Variants in MTHFD1L observed in about 807,000 individuals in gnomAD.
The protein encoded by MTHFD1L is methylenetetrahydrofolate dehydrogenase (NADP+ dependent) 1 like.
Under a neutral mutation model 119.5 loss-of-function variants are expected in MTHFD1L, and 81 were observed. That is an observed-to-expected ratio of 0.68 (90% CI 0.57 to 0.82). The LOEUF is 0.82. Among genes scored for constraint, MTHFD1L ranks in the 40% least tolerant of loss-of-function variants. The probability of loss-of-function intolerance (pLI) is 0.00; values close to 1 mark genes in which losing one functional copy is unlikely to be tolerated. For missense variants in MTHFD1L, 1,125 were observed against 1,253.4 expected (o/e 0.90, Z 1.55); for synonymous variants, 430 against 475.2 (o/e 0.90, Z 1.24).
chr6:150,997,032 G>A (rs1432834355), intron 20 of MTHFD1L, among the ~76,000 whole-genome samples: 2 of 152,136 alleles, frequency 1.3e-5, no homozygotes, highest in African/African-American at 4.8e-5. Flanking sequence ...GTCCAAAGGG[G>A]CCCTTAACCT....
chr6:150,866,540 C>A, intron 1 of MTHFD1L: 1 of 1,270,796 alleles, frequency 7.9e-7, no homozygotes, highest in Non-Finnish European at 9.9e-7. Context: ...GCCGCCCGCG[C>A]GAAGCTCCCT....
intron 7 of MTHFD1L, among the ~76,000 whole-genome samples, chr6:150,893,992 C>A (rs1318589960): frequency 2.6e-5 from 4 of 152,114 alleles, no homozygotes; most frequent in African/African-American, 9.7e-5. Context: ...GCCTGTAATC[C>A]CAGCACTTTG....
intron 1 of MTHFD1L, among the ~76,000 whole-genome samples, chr6:150,874,119 A>G (rs1780002199): frequency 6.6e-6 from 1 of 152,174 alleles, no homozygotes; most frequent in African/African-American, 2.4e-5. Flanking sequence ...AGAGTGCGGT[A>G]TATGGGCCTC....
chr6:150,987,645 C>T (rs898735643), intron 20 of MTHFD1L, among the ~76,000 whole-genome samples: 2 of 152,200 alleles, frequency 1.3e-5, no homozygotes, highest in Non-Finnish European at 2.9e-5. Context: ...ACCTGAGTGT[C>T]GGCCCCACAG....
At chr6:151,069,176 G>A (rs2128615226) in intron 26 of MTHFD1L, among the ~76,000 whole-genome samples, 1 of 151,882 alleles carries the variant, frequency 6.6e-6, no homozygotes, top group East Asian at 1.9e-4. Flanking sequence ...AGCCACCTCA[G>A]CCTCATGACT....
rs1793773838 is a variant in MTHFD1L, at chr6:150,945,492, T to C, written c.1574T>C (p.Leu525Ser). 1.9e-6 allele frequency: 3 copies of C among 1,613,922 alleles called. No individual in the cohort carries two copies. The highest frequency in any genetic ancestry group is 4.5e-5 in the East Asian group (2 of 44,878). The change falls in exon 15 of 28, where the codon TTA (leucine) becomes TCA (serine). Residue 525 changes from leucine (L) to serine (S), a missense_variant. Leu to Ser is a moderately radical substitution (Grantham distance 145). Around this residue, in one of 3 missense-constraint regions of MTHFD1L, gnomAD observed 1,058 missense variants for 1,151.2 expected, o/e 0.92. Transcript: ENST00000367321. The stretch of plus-strand genomic sequence containing the variant: ...GCTCTGTATAATCGGCTGGTTCCTT[T>C]AGTGAATGGTGTCAGAGAATTTTCA... ...DKALYNRLVPLVNGVREFSEI... is the reference protein window; with the variant it reads ...DKALYNRLVPSVNGVREFSEI...
At chr6:150,876,814 C>A (rs998220649) in intron 2 of MTHFD1L, among the ~76,000 whole-genome samples, 9 of 152,146 alleles carry the variant, frequency 5.9e-5, no homozygotes, top group Non-Finnish European at 1.0e-4. Context: ...GCTTGGCATG[C>A]CCTTAGCGTA....
At position 150,876,130 on chromosome 6, in the gene MTHFD1L, C is replaced by A; in HGVS notation, c.268C>A (p.Gln90Lys). Reference protein sequence around the residue: ...QNSKEVLSLLQEKNPAFKPVL... With the variant: ...QNSKEVLSLLKEKNPAFKPVL... Reference sequence around the variant, plus strand: ...TTCAAAAGAAGTTCTAAGTTTATTGCAAGAAAAAAACCCTGCCTTCAAGCC... The same window carrying A: ...TTCAAAAGAAGTTCTAAGTTTATTGAAAGAAAAAAACCCTGCCTTCAAGCC... Residue 90 changes from glutamine to lysine, a missense_variant, in exon 2 of 28, where the codon CAA becomes AAA. By Grantham distance (53) the Gln-to-Lys change is moderately conservative. Around this residue, in one of 3 missense-constraint regions of MTHFD1L, gnomAD observed 1,058 missense variants for 1,151.2 expected, o/e 0.92. Transcript: ENST00000367321. 6.2e-7 allele frequency: 1 copy of A among 1,604,592 alleles called. No homozygotes were observed. The highest frequency in any genetic ancestry group is 1.1e-5 in the South Asian group (1 of 88,936).
chr6:150,869,237 C>T (rs1244178417), intron 1 of MTHFD1L, among the ~76,000 whole-genome samples: 1 of 152,056 alleles, frequency 6.6e-6, no homozygotes, highest in Non-Finnish European at 1.5e-5. Context: ...TATACATGCG[C>T]CATGGTGGTT....
chr6:151,059,715 G>A (rs534925652), intron 26 of MTHFD1L, among the ~76,000 whole-genome samples: 2 of 151,708 alleles, frequency 1.3e-5, no homozygotes, highest in African/African-American at 4.9e-5. Context: ...AGTTTCGAAA[G>A]TGGAAATGAT....
At chr6:150,890,479 T>A (rs1334482874) in intron 7 of MTHFD1L, among the ~76,000 whole-genome samples, 1 of 152,038 alleles carries the variant, frequency 6.6e-6, no homozygotes, top group Non-Finnish European at 1.5e-5. Context: ...GACTATTGAA[T>A]ATTGAGAGGA....
chr6:150,890,327 T>C (rs1038543494), intron 7 of MTHFD1L, among the ~76,000 whole-genome samples: 10 of 152,102 alleles, frequency 6.6e-5, no homozygotes, highest in Non-Finnish European at 1.5e-4. Flanking sequence ...GTGGTGGTTC[T>C]GTGGGTCTTG....
At chr6:150,901,730 A>G (rs1785129491) in intron 7 of MTHFD1L, among the ~76,000 whole-genome samples, 1 of 152,200 alleles carries the variant, frequency 6.6e-6, no homozygotes, top group Non-Finnish European at 1.5e-5. Flanking sequence ...GAGAATGCCA[A>G]TGTCTTTAGT....
At chr6:151,086,470 T>C (rs1396370644) in intron 26 of MTHFD1L, among the ~76,000 whole-genome samples, 2 of 152,136 alleles carry the variant, frequency 1.3e-5, no homozygotes, top group East Asian at 3.8e-4. Context: ...TTCTGAGCAA[T>C]TTTTGTTGTT....
intron 26 of MTHFD1L, among the ~76,000 whole-genome samples, chr6:151,049,056 G>A (rs904776090): frequency 1.3e-5 from 2 of 152,160 alleles, no homozygotes; most frequent in African/African-American, 4.8e-5. Flanking sequence ...TGACTGCCTG[G>A]CTAAAAACCG....
At chr6:150,870,826 G>A (rs921302709) in intron 1 of MTHFD1L, among the ~76,000 whole-genome samples, 4 of 151,412 alleles carry the variant, frequency 2.6e-5, no homozygotes, top group African/African-American at 7.3e-5. Context: ...CAGGAGAATC[G>A]CTTTAACCCG....
At chr6:150,870,915 TCAAAA>T (rs1213281533) in intron 1 of MTHFD1L, among the ~76,000 whole-genome samples, 34 of 148,172 alleles carry the variant, frequency 2.3e-4, no homozygotes, top group Non-Finnish European at 4.4e-4. Context: ...AGACTCCGTC[TCAAAA>T]CAAAACAAAA....
chr6:150,943,728 A>C (rs996077933), intron 13 of MTHFD1L, among the ~76,000 whole-genome samples: 3 of 152,250 alleles, frequency 2.0e-5, no homozygotes, highest in Non-Finnish European at 4.4e-5. Flanking sequence ...GTTTTGTGAA[A>C]AACGAAACTT....
intron 20 of MTHFD1L, among the ~76,000 whole-genome samples, chr6:150,981,223 G>A (rs1384901662): frequency 3.3e-5 from 5 of 152,084 alleles, no homozygotes; most frequent in Non-Finnish European, 7.4e-5. Context: ...CCTGTTCCAC[G>A]TTGATTTTCA....
Sources: allele counts gnomAD v4.1 joint callset (sites outside exome capture counted in the v4.1 genomes callset), GRCh38; gene constraint gnomAD v4.1.1; regional missense constraint gnomAD v4.1.1; transcripts MANE v1.5; gene names NCBI Gene and HGNC (gene_info 2026-07-23, HGNC 2026-07-21).